Variants in KIF16B observed in about 807,000 individuals in gnomAD.
The protein encoded by KIF16B is kinesin-like protein KIF16B.
KIF16B carries 98 observed loss-of-function variants against 156.3 expected under a neutral mutation model. The ratio of observed to expected loss-of-function variants is 0.63; its 90% confidence interval spans 0.53 to 0.74. The LOEUF is 0.74. Among genes scored for constraint, KIF16B ranks in the 30% least tolerant of loss-of-function variants. The pLI, the probability that KIF16B is intolerant of heterozygous loss-of-function variation, is 0.00. For synonymous variants in KIF16B, 564 were observed against 583.7 expected (o/e 0.97, Z 0.49); for missense variants, 1,421 against 1,606.5 (o/e 0.88, Z 1.97).
intron 17 of KIF16B, among the ~76,000 whole-genome samples, chr20:16,401,953 A>G (rs943667211): frequency 2.0e-5 from 3 of 152,170 alleles, no homozygotes; most frequent in African/African-American, 7.2e-5. Flanking sequence ...TGCTTAAATC[A>G]TTCTAGTGGT....
intron 12 of KIF16B, among the ~76,000 whole-genome samples, chr20:16,457,739 T>G (rs940235184): frequency 2.0e-5 from 3 of 152,064 alleles, no homozygotes; most frequent in Admixed American, 1.3e-4. Context: ...AAAATCATAG[T>G]AAGGCCTGCC....
At chr20:16,291,093 A>G (rs977803855) in intron 25 of KIF16B, among the ~76,000 whole-genome samples, 4 of 152,250 alleles carry the variant, frequency 2.6e-5, no homozygotes, top group African/African-American at 9.6e-5. Context: ...CGTTGAACAA[A>G]TGATGCAATG....
rs559913729 is a variant in KIF16B, at chr20:16,273,230, T to C, written c.*23A>G. The C allele has an allele frequency of 2.9e-5, 47 of 1,609,452 alleles. No homozygotes were observed. In the East Asian group the frequency reaches 9.4e-4, roughly 32 times the overall value. ...CTTCGACGAGAAGGCACTGCTGTGG[T>C]GGTTCCTCCATCACCCCTGGCTCTA... On this transcript the variant is annotated 3_prime_UTR_variant, in exon 26 of 26. Coordinates refer to ENST00000354981, the MANE Select transcript of KIF16B (RefSeq NM_024704.5).
At chr20:16,352,685 T>C (rs2064361216) in intron 23 of KIF16B, among the ~76,000 whole-genome samples, 2 of 152,174 alleles carry the variant, frequency 1.3e-5, no homozygotes, top group South Asian at 4.1e-4. Context: ...TTTCAATGAC[T>C]AATGAGTCCT....
At chr20:16,538,147 A>G (rs1243269526) in intron 1 of KIF16B, among the ~76,000 whole-genome samples, 1 of 152,108 alleles carries the variant, frequency 6.6e-6, no homozygotes, top group Non-Finnish European at 1.5e-5. Flanking sequence ...TCATCTCTCC[A>G]ATTAGTCCAG....
At chr20:16,536,535 A>G (rs1393128035) in intron 1 of KIF16B, among the ~76,000 whole-genome samples, 1 of 152,196 alleles carries the variant, frequency 6.6e-6, no homozygotes, top group African/African-American at 2.4e-5. Flanking sequence ...AGTGATGGAT[A>G]TCCCAAATAC....
In KIF16B at chr20:16,511,426, TA is replaced by T; in HGVS notation, c.547del (p.Tyr183MetfsTer9). 2 of 1,583,642 alleles carry T rather than the reference TA, an allele frequency of 1.3e-6. No individual in the cohort carries two copies. Among genetic ancestry groups the T allele is most frequent in the Non-Finnish European group, 1.7e-6 (2 of 1,156,230 alleles). ...GAAATATCTACTCTTACCCTCAACA[TA>T]AGGGCCTTCTTTGGGATGCTCACGG... Reference protein sequence around the residue: ...RVREHPKEGPYVEDLSKHLVQ... With the variant: ...RVREHPKEGPXVEDLSKHLVQ... On this transcript the variant is annotated frameshift_variant, in exon 6 of 26. Coordinates refer to ENST00000354981, the MANE Select transcript of KIF16B (RefSeq NM_024704.5). LOFTEE classifies it high-confidence loss of function.
intron 3 of KIF16B, among the ~76,000 whole-genome samples, chr20:16,520,866 G>A (rs555475736): frequency 2.0e-5 from 3 of 152,196 alleles, no homozygotes; most frequent in Admixed American, 1.3e-4. Context: ...TGCAGCCTCC[G>A]CTGGTGATAC....
Position 16,526,187 on chromosome 20 carries a change from C to CTG in KIF16B, c.135_136insCA (p.Gly46GlnfsTer43). On this transcript the variant is annotated frameshift_variant, in exon 3 of 26. Coordinates refer to ENST00000354981, the MANE Select transcript of KIF16B (RefSeq NM_024704.5). LOFTEE classifies it high-confidence loss of function. ...TTGGTCCGTTCTCTTCCTGAGTCCC[C>CTG]AGTGCCTCCTTCTGGTATCTAGAAA... 1 of 1,589,176 alleles carries CTG rather than the reference C, an allele frequency of 6.3e-7. No individual in the cohort carries two copies. The highest frequency in any genetic ancestry group is 1.3e-5 in the African/African-American group (1 of 74,240).
At position 16,506,013 on chromosome 20, in the gene KIF16B, T is replaced by C; in HGVS notation, c.868+9A>G. The C allele has an allele frequency of 1.2e-6, 2 of 1,614,090 alleles. No homozygotes were observed. Among genetic ancestry groups the C allele is most frequent in the Non-Finnish European group, 1.7e-6 (2 of 1,179,954 alleles). On this transcript the variant is annotated intron_variant, in intron 8 of 25. Transcript: ENST00000354981. ...AAACAGAGGAGGCAGGAGCCAGGCG[T>C]AAGCATACCTAAGGCAGAAATGACG...
chr20:16,404,690 T>G (rs1055957767), intron 17 of KIF16B, 123 bp downstream of exon 17: 9 of 676,876 alleles, frequency 1.3e-5, no homozygotes, highest in Non-Finnish European at 5.2e-6. Context: ...AAAATGACGG[T>G]GGCTGATTTG....
chr20:16,571,631 CTTT>C (rs869288784), intron 1 of KIF16B, among the ~76,000 whole-genome samples: 3 of 142,950 alleles, frequency 2.1e-5, no homozygotes, highest in Admixed American at 1.4e-4. Context: ...TTAACAAATA[CTTT>C]TTTTTTTTTT....
intron 12 of KIF16B, among the ~76,000 whole-genome samples, chr20:16,477,188 GTT>G (rs553599004): frequency 1.4e-5 from 2 of 140,578 alleles, no homozygotes; most frequent in Non-Finnish European, 3.1e-5. Context: ...TTCCTTGTGG[GTT>G]TTTTTTTTTT....
intron 22 of KIF16B, among the ~76,000 whole-genome samples, chr20:16,358,320 A>G (rs1162387611): frequency 1.3e-5 from 2 of 152,248 alleles, no homozygotes. Flanking sequence ...CTCCATTTAC[A>G]TACTTGAACC....
In KIF16B at chr20:16,273,424, CAA is replaced by C; in HGVS notation, c.3796-15_3796-14del. On this transcript the variant is annotated splice_polypyrimidine_tract_variant and intron_variant, in intron 25 of 25. Transcript: ENST00000354981. The stretch of plus-strand genomic sequence containing the variant: ...CCCTGAGGTATTTCTGTGGAAGAGA[CAA>C]GAGTTAAGAACATGGTCAATTGGGA... 6.2e-7 allele frequency: 1 copy of C among 1,613,644 alleles called. No homozygotes were observed. The highest frequency in any genetic ancestry group is 1.1e-5 in the South Asian group (1 of 91,056).
chr20:16,320,996 G>C (rs1220670264), intron 24 of KIF16B, among the ~76,000 whole-genome samples: 1 of 152,042 alleles, frequency 6.6e-6, no homozygotes, highest in Non-Finnish European at 1.5e-5. Context: ...TTTCACTTCT[G>C]TTCAAGTAAA....
intron 17 of KIF16B, among the ~76,000 whole-genome samples, chr20:16,390,148 T>C (rs770269323): frequency 1.3e-5 from 2 of 152,146 alleles, no homozygotes; most frequent in African/African-American, 4.8e-5. Flanking sequence ...CAAAACACTC[T>C]GGGAATGGTT....
In KIF16B at chr20:16,473,204, G is replaced by A. The variant is rs1175350165; in HGVS notation, c.1302+21087C>T. ...TCCTCAGAACACAAGGAACTTTGGA[G>A]CAAGCAGGCCCCTCTACTCATCAAA... On this transcript the variant is annotated intron_variant, in intron 12 of 25. Transcript: ENST00000354981. Among the ~76,000 whole-genome samples the A allele has an allele frequency of 5.3e-5, 8 of 152,182 alleles. No homozygotes were observed. In the East Asian group the frequency reaches 1.5e-3, roughly 29 times the overall value.
intron 22 of KIF16B, among the ~76,000 whole-genome samples, chr20:16,360,881 C>A (rs752913356): frequency 6.6e-6 from 1 of 152,156 alleles, no homozygotes; most frequent in Non-Finnish European, 1.5e-5. Context: ...GAACAGGAAG[C>A]GGCACTTACA....
Sources: gnomAD v4.1 joint callset for allele counts (sites outside exome capture counted in the v4.1 genomes callset) on GRCh38, gnomAD v4.1.1 for gene constraint, MANE v1.5 for transcripts, NCBI Gene and HGNC (gene_info 2026-07-23, HGNC 2026-07-21) for gene names.